The following GPC1 variants were observed in gnomAD, a reference collection of about 807,000 sequenced individuals.
GPC1 encodes the protein glypican 1.
GPC1 carries 26 observed loss-of-function variants against 51.5 expected under a neutral mutation model. That is an observed-to-expected ratio of 0.50 (90% CI 0.37 to 0.70). GPC1 has a LOEUF of 0.70. Ranked by LOEUF, GPC1 falls within the 30% of genes least tolerant of loss-of-function variation. GPC1 has a pLI of 0.00. For synonymous variants in GPC1, 380 were observed against 348.3 expected, an observed-to-expected ratio of 1.09 and a Z score of -1.01; for missense variants, 775 against 800.5, an observed-to-expected ratio of 0.97 and a Z score of 0.38.
intron 1 of GPC1, among the ~76,000 whole-genome samples, chr2:240,439,902 GC>G (rs1347969164): frequency 6.6e-6 from 1 of 152,220 alleles, no homozygotes; most frequent in Non-Finnish European, 1.5e-5. Context: ...GCCCAGGGGA[GC>G]CCTGATCCGA....
At chr2:240,455,622 G>A (rs1398099430) in intron 1 of GPC1, among the ~76,000 whole-genome samples, 1 of 152,216 alleles carries the variant, frequency 6.6e-6, no homozygotes, top group Non-Finnish European at 1.5e-5. Context: ...GTGTTGAGCT[G>A]AGAGAAGTGG....
Position 240,465,804 on chromosome 2 carries a change from C to T in GPC1, c.1444+156C>T, listed in dbSNP as rs149398903. Reference sequence around the variant, plus strand: ...CGCTGTGCTGCCCAGGCACGATCACCGAGCCCTGCACCTCTGCGGCGCCCT... The same window carrying T: ...CGCTGTGCTGCCCAGGCACGATCACTGAGCCCTGCACCTCTGCGGCGCCCT... On this transcript the variant is annotated intron_variant, in intron 8 of 8. Coordinates refer to ENST00000264039, the MANE Select transcript of GPC1 (RefSeq NM_002081.3). Among the ~76,000 whole-genome samples, 331 of 152,184 alleles carry T rather than the reference C, an allele frequency of 2.2e-3. 2 individuals carry two copies. Among genetic ancestry groups the T allele is most frequent in the Middle Eastern group, 0.017 (5 of 294 alleles).
At chr2:240,453,592 C>T (rs2074126178) in intron 1 of GPC1, among the ~76,000 whole-genome samples, 1 of 141,226 alleles carries the variant, frequency 7.1e-6, no homozygotes, top group South Asian at 2.3e-4. Flanking sequence ...GCCCCTTCCC[C>T]GCCAATCGCG....
chr2:240,442,927 C>T lies in GPC1; in HGVS notation c.166+6843C>T, dbSNP rs7572266. On this transcript the variant is annotated intron_variant, in intron 1 of 8. Transcript: ENST00000264039. ...CACGCCCCAGCCTGCCACTCACCCC[C>T]GTCCACCTGAGGCGCTCTCTGGGCA... 8.3e-3 allele frequency among the ~76,000 whole-genome samples: 1,257 copies of T among 152,362 alleles called. 5 individuals are homozygous for T. The highest frequency in any genetic ancestry group is 0.012 in the Non-Finnish European group (843 of 68,034).
At chr2:240,464,100 C>T (rs1442232595) in intron 4 of GPC1, 5 of 205,734 alleles carry the variant, frequency 2.4e-5, no homozygotes, top group Non-Finnish European at 5.0e-5. Flanking sequence ...TGTGCTGACA[C>T]GGGGCCAACA....
At chr2:240,449,868 C>T in intron 1 of GPC1, 1 of 470,800 alleles carries the variant, frequency 2.1e-6, no homozygotes, top group Non-Finnish European at 4.4e-6. Flanking sequence ...CACGCCGGAG[C>T]ATGTGTCAGA....
rs566051908 is a variant in GPC1 at position 240,448,516 on chromosome 2, C to T, written c.167-10514C>T. ...GCCTGGGGGTGGAACTCTGAGCCTC[C>T]GGCTCTCCTCCGGCAGGTGGCTTCG... On this transcript the variant is annotated intron_variant, in intron 1 of 8. Coordinates refer to ENST00000264039, the MANE Select transcript of GPC1 (RefSeq NM_002081.3). This position sits in a 1 kb window ranked among gnomAD's most constrained non-coding sequence, Gnocchi z 4.5. Among the ~76,000 whole-genome samples the T allele has an allele frequency of 3.9e-5, 6 of 152,120 alleles. No individual in the cohort carries two copies. The highest frequency in any genetic ancestry group is 7.2e-5 in the African/African-American group (3 of 41,446).
At chr2:240,461,529 G>A (rs1481549759) in intron 2 of GPC1, among the ~76,000 whole-genome samples, 1 of 152,154 alleles carries the variant, frequency 6.6e-6, no homozygotes, top group African/African-American at 2.4e-5. Context: ...GAGGTCTGAG[G>A]GTGAGCCTGT....
At chr2:240,447,840 G>A (rs1252036422) in intron 1 of GPC1, among the ~76,000 whole-genome samples, 3 of 152,172 alleles carry the variant, frequency 2.0e-5, no homozygotes, top group Non-Finnish European at 4.4e-5. Context: ...CACTCCATGG[G>A]GAGGGAGGAA....
In GPC1 at chr2:240,466,239, G is replaced by A. The variant is rs773544921; in HGVS notation, c.1626G>A (p.Leu542=). The change falls in exon 9 of 9, where the codon CTG becomes CTA. Residue 542 remains leucine (L), a synonymous_variant. Coordinates refer to ENST00000264039, the MANE Select transcript of GPC1 (RefSeq NM_002081.3). ...GCCCCCAGCCCCCGACCTTCCTCCTGCCCCTCCTCCTCTTCCTGGCCCTTA... is the reference window on the plus strand; with the variant it reads ...GCCCCCAGCCCCCGACCTTCCTCCTACCCCTCCTCCTCTTCCTGGCCCTTA... ...ASCPQPPTFL[L]PLLLFLALTV... The A allele has an allele frequency of 1.9e-5, 30 of 1,611,830 alleles. No homozygotes were observed. Among genetic ancestry groups the A allele is most frequent in the Non-Finnish European group, 2.5e-5 (30 of 1,178,618 alleles).
In GPC1 at chr2:240,463,490, C is replaced by T. The variant is rs555091554; in HGVS notation, c.861C>T (p.Asp287=). Residue 287 remains aspartate (D), a synonymous_variant, in exon 4 of 9, where the codon GAC becomes GAT. Coordinates refer to ENST00000264039, the MANE Select transcript of GPC1 (RefSeq NM_002081.3). ...KGCLANQADL[D]AEWRNLLDSM... ...GCCTTGCCAACCAGGCCGACCTGGA[C>T]GCCGAGTGGAGGAACCTCCTGGGTG... The T allele has an allele frequency of 1.6e-5, 25 of 1,612,824 alleles. No homozygotes were observed. In the Admixed American group the frequency reaches 2.7e-4, roughly 17 times the overall value.
chr2:240,445,528 C>G lies in GPC1; in HGVS notation c.166+9444C>G, dbSNP rs193001091. ...AGGGAGCTCAGGGGAGGGGGCACCACTCAGCGCCAGGTGCTGGGATGGGAG... is the reference window on the plus strand; with the variant it reads ...AGGGAGCTCAGGGGAGGGGGCACCAGTCAGCGCCAGGTGCTGGGATGGGAG... On this transcript the variant is annotated intron_variant, in intron 1 of 8. Coordinates refer to ENST00000264039, the MANE Select transcript of GPC1 (RefSeq NM_002081.3). 3.2e-4 allele frequency among the ~76,000 whole-genome samples: 49 copies of G among 152,290 alleles called. No individual in the cohort carries two copies. In the East Asian group the frequency reaches 8.5e-3, roughly 26 times the overall value.
intron 1 of GPC1, among the ~76,000 whole-genome samples, chr2:240,456,242 G>A (rs1425086146): frequency 6.6e-6 from 1 of 152,170 alleles, no homozygotes; most frequent in Admixed American, 6.5e-5. Context: ...CTGCAGGTGG[G>A]GGGAGCTCCC....
chr2:240,460,802 C>T (rs1444151624), intron 2 of GPC1, among the ~76,000 whole-genome samples: 1 of 152,168 alleles, frequency 6.6e-6, no homozygotes, highest in Non-Finnish European at 1.5e-5. Flanking sequence ...TGTCCAACCC[C>T]CACCTCCTAT....
intron 1 of GPC1, chr2:240,450,021 A>G (rs1336249274): frequency 9.8e-6 from 4 of 409,072 alleles, no homozygotes; most frequent in Non-Finnish European, 2.0e-5. Context: ...GTGTATGAGG[A>G]GCTGTTCCTT....
At chr2:240,457,156 C>T (rs988205104) in intron 1 of GPC1, among the ~76,000 whole-genome samples, 1 of 152,178 alleles carries the variant, frequency 6.6e-6, no homozygotes, top group African/African-American at 2.4e-5. Flanking sequence ...ACTCCCTCCC[C>T]CTCTAGCTCA....
In GPC1 at chr2:240,462,729, G is replaced by A. The variant is rs766532725; in HGVS notation, c.717+147G>A. On this transcript the variant is annotated intron_variant, in intron 3 of 8. Coordinates refer to ENST00000264039, the MANE Select transcript of GPC1 (RefSeq NM_002081.3). ...CAGCCCCACAGCCTCAGTCCCTCCT[G>A]CATTGGCTGCTGCCCATGGCCTGCT... 248 of 684,180 alleles carry A rather than the reference G, an allele frequency of 3.6e-4. 1 individual carries two copies. The highest frequency in any genetic ancestry group is 5.4e-4 in the Non-Finnish European group (229 of 421,270). 42.4% of individuals were successfully genotyped at this position (684,180 alleles called of 1,614,324 possible). A position where few individuals can be genotyped will look rare whatever the true frequency, so the allele number is the denominator to read the frequency against.
intron 1 of GPC1, among the ~76,000 whole-genome samples, chr2:240,454,024 G>A (rs543995913): frequency 2.0e-5 from 3 of 152,232 alleles, no homozygotes; most frequent in South Asian, 4.1e-4. Flanking sequence ...GGCGGCGGAG[G>A]GGCTCCTTGG....
At chr2:240,455,837 TGCGCC>T (rs1188253634) in intron 1 of GPC1, among the ~76,000 whole-genome samples, 4 of 152,178 alleles carry the variant, frequency 2.6e-5, no homozygotes, top group Non-Finnish European at 4.4e-5. Context: ...GGCCCCGGCC[TGCGCC>T]GGGCCGGAGC....
Sources: allele counts gnomAD v4.1 joint callset (sites outside exome capture counted in the v4.1 genomes callset), GRCh38; gene constraint gnomAD v4.1.1; non-coding constraint Gnocchi (gnomAD v3.1); transcripts MANE v1.5; gene names NCBI Gene and HGNC (gene_info 2026-07-23, HGNC 2026-07-21).